The following CNTN4 variants were observed in gnomAD, a reference collection of about 807,000 sequenced individuals.
CNTN4 encodes contactin 4.
In CNTN4, 77 loss-of-function variants were observed where a neutral mutation model predicts 122.5. The observed-to-expected ratio is 0.63, with a 90% confidence interval of 0.52 to 0.76. The LOEUF (loss-of-function observed/expected upper bound fraction) is 0.76. CNTN4 is among the 30% of genes least tolerant of loss of function. The pLI, the probability that CNTN4 is intolerant of heterozygous loss-of-function variation, is 0.00. For synonymous variants in CNTN4, 512 were observed against 447.0 expected, an observed-to-expected ratio of 1.15 and a Z score of -1.83; for missense variants, 1,256 against 1,259.1, an observed-to-expected ratio of 1.00 and a Z score of 0.04.
intron 7 of CNTN4, 51 bp downstream of exon 7, chr3:2,819,632 T>G (rs1194004384): frequency 7.8e-7 from 1 of 1,275,416 alleles, no homozygotes; most frequent in East Asian, 2.3e-5. Context: ...GTTATTTTTC[T>G]TCCTCAATGT....
At chr3:2,599,810 G>C (rs2149728896) in intron 4 of CNTN4, among the ~76,000 whole-genome samples, 1 of 152,182 alleles carries the variant, frequency 6.6e-6, no homozygotes, top group East Asian at 1.9e-4. Context: ...AAGTTCCTGA[G>C]GGAATTAGAT....
At chr3:2,537,225 A>G (rs1005587141) in intron 3 of CNTN4, among the ~76,000 whole-genome samples, 4 of 152,098 alleles carry the variant, frequency 2.6e-5, no homozygotes, top group Non-Finnish European at 5.9e-5. Context: ...GACAGTTGGA[A>G]TACTGTCCCG....
chr3:2,654,748 C>A (rs1307106016), intron 4 of CNTN4, among the ~76,000 whole-genome samples: 1 of 152,142 alleles, frequency 6.6e-6, no homozygotes, highest in Non-Finnish European at 1.5e-5. Context: ...TCCTTTCTTA[C>A]CCTAGCAAAT....
chr3:2,984,760 G>A (rs1388848742), intron 13 of CNTN4, among the ~76,000 whole-genome samples: 2 of 152,134 alleles, frequency 1.3e-5, no homozygotes, highest in Non-Finnish European at 2.9e-5. Context: ...TGCTTTTAAA[G>A]AGTCATCTCA....
chr3:2,136,451 A>G (rs2034697176), intron 2 of CNTN4, among the ~76,000 whole-genome samples: 2 of 152,224 alleles, frequency 1.3e-5, no homozygotes, highest in African/African-American at 4.8e-5. Flanking sequence ...CTAATAACTA[A>G]TTAATTAATG....
At chr3:2,371,286 A>G (rs1331273665) in intron 3 of CNTN4, among the ~76,000 whole-genome samples, 1 of 151,902 alleles carries the variant, frequency 6.6e-6, no homozygotes, top group African/African-American at 2.4e-5. Flanking sequence ...GTGCCATTCA[A>G]CTCTTTCTTT....
intron 2 of CNTN4, among the ~76,000 whole-genome samples, chr3:2,334,224 C>G (rs2043848349): frequency 6.6e-6 from 1 of 152,166 alleles, no homozygotes; most frequent in African/African-American, 2.4e-5. Context: ...GTGGCAGGAT[C>G]TTGGCTCATT....
At position 2,463,937 on chromosome 3, in the gene CNTN4, G is replaced by A. The variant is rs377427732; in HGVS notation, c.-88-107479G>A. Among the ~76,000 whole-genome samples the A allele has an allele frequency of 1.6e-4, 24 of 152,194 alleles. No homozygotes were observed. The East Asian group carries it at 4.4e-3, about 28-fold the overall frequency. ...TTCTTATGACCTAGAACCAGAACAA[G>A]TGTGTTAGGCTTCATTTTCCAAGCC... On this transcript the variant is annotated intron_variant, in intron 3 of 24. Transcript: ENST00000418658.
chr3:2,696,586 C>T (rs1396554329), intron 4 of CNTN4, among the ~76,000 whole-genome samples: 1 of 152,156 alleles, frequency 6.6e-6, no homozygotes, highest in Admixed American at 6.5e-5. Context: ...TTGGATTTTC[C>T]AGCCTCCAGA....
At chr3:2,130,776 T>C (rs1456896101) in intron 2 of CNTN4, among the ~76,000 whole-genome samples, 1 of 152,220 alleles carries the variant, frequency 6.6e-6, no homozygotes, top group Non-Finnish European at 1.5e-5. Flanking sequence ...CTATAGTCTC[T>C]TATCTGAAGC....
chr3:2,393,711 T>C (rs187088892), intron 3 of CNTN4, among the ~76,000 whole-genome samples: 107 of 152,256 alleles, frequency 7.0e-4, no homozygotes, highest in African/African-American at 2.5e-3. Flanking sequence ...GTCTTCATCA[T>C]TGAAGCTATG....
intron 3 of CNTN4, among the ~76,000 whole-genome samples, chr3:2,463,742 G>A (rs1161125537): frequency 1.3e-5 from 2 of 151,768 alleles, no homozygotes; most frequent in African/African-American, 4.8e-5. Context: ...CTGTGCAACA[G>A]AGCAAAACTC....
At chr3:2,107,427 A>G (rs1385098952) in intron 2 of CNTN4, among the ~76,000 whole-genome samples, 1 of 152,152 alleles carries the variant, frequency 6.6e-6, no homozygotes, top group Non-Finnish European at 1.5e-5. Context: ...ACATGGCAGC[A>G]AGCAAGAGAG....
chr3:2,339,330 G>A (rs1404207393), intron 3 of CNTN4, 97 bp downstream of exon 3: 1 of 152,042 alleles, frequency 6.6e-6, no homozygotes, highest in Non-Finnish European at 1.5e-5. Flanking sequence ...CCCTTACAGA[G>A]TGATAGCATG....
chr3:2,893,574 G>T (rs1238445566), intron 10 of CNTN4, among the ~76,000 whole-genome samples: 1 of 152,082 alleles, frequency 6.6e-6, no homozygotes, highest in African/African-American at 2.4e-5. Flanking sequence ...TTTTTAAGGG[G>T]TACGCATTAA....
chr3:2,686,772 C>T (rs1041377657), intron 4 of CNTN4, among the ~76,000 whole-genome samples: 1 of 152,146 alleles, frequency 6.6e-6, no homozygotes, highest in African/African-American at 2.4e-5. Flanking sequence ...AAAGTTTGAC[C>T]ATGCTATCCT....
At chr3:2,691,429 G>C (rs959469190) in intron 4 of CNTN4, among the ~76,000 whole-genome samples, 7 of 152,068 alleles carry the variant, frequency 4.6e-5, no homozygotes, top group African/African-American at 1.4e-4. Flanking sequence ...GAAAGAAGAG[G>C]AAAAAGATTC....
At chr3:2,202,183 A>T (rs2038130810) in intron 2 of CNTN4, among the ~76,000 whole-genome samples, 1 of 152,186 alleles carries the variant, frequency 6.6e-6, no homozygotes, top group African/African-American at 2.4e-5. Flanking sequence ...GCCATTAAGC[A>T]GTTCTTCATT....
At chr3:2,312,134 G>A (rs1019952036) in intron 2 of CNTN4, among the ~76,000 whole-genome samples, 8 of 151,890 alleles carry the variant, frequency 5.3e-5, no homozygotes, top group African/African-American at 1.9e-4. Context: ...GTAACATAGT[G>A]GGACCTTGTC....
Sources: gnomAD v4.1 joint callset for allele counts (sites outside exome capture counted in the v4.1 genomes callset) on GRCh38, gnomAD v4.1.1 for gene constraint, MANE v1.5 for transcripts, NCBI Gene and HGNC (gene_info 2026-07-23, HGNC 2026-07-21) for gene names.